GPAM: variants seen among roughly 807,000 people sequenced by gnomAD.
GPAM encodes the protein glycerol-3-phosphate acyltransferase, mitochondrial, also known as glycerol-3-phosphate acyltransferase 1, mitochondrial.
Under a neutral mutation model 105.0 loss-of-function variants are expected in GPAM, and 56 were observed. The observed-to-expected ratio is 0.53, with a 90% CI of 0.43 to 0.67. The LOEUF (loss-of-function observed/expected upper bound fraction) is 0.67, where lower values mean the gene tolerates loss of function less well. Among genes scored for constraint, GPAM ranks in the 30% least tolerant of loss-of-function variants. The pLI is 0.00. For synonymous variants in GPAM, 368 were observed against 354.4 expected, an observed-to-expected ratio of 1.04 and a Z score of -0.43; for missense variants, 855 against 989.8, an observed-to-expected ratio of 0.86 and a Z score of 1.83.
chr10:112,176,992 A>C (rs1847418120), intron 5 of GPAM, among the ~76,000 whole-genome samples: 1 of 152,168 alleles, frequency 6.6e-6, no homozygotes, highest in South Asian at 2.1e-4. Context: ...ATCTACTTAC[A>C]TAAGGAAGAC....
chr10:112,214,069 C>G (rs1847942767), intron 1 of GPAM, among the ~76,000 whole-genome samples: 2 of 152,156 alleles, frequency 1.3e-5, no homozygotes, highest in East Asian at 1.9e-4. Context: ...TGAAAGCTCC[C>G]TGAGGACCAC....
chr10:112,153,493 G>C lies in GPAM; in HGVS notation c.*57C>G. ...ACCTTCAACTCTTGAGCCAGAAGCT[G>C]GTACCTACAAGGAACTCATCTCATG... is the stretch of plus-strand genomic sequence containing the variant. On this transcript the variant is annotated 3_prime_UTR_variant, in exon 22 of 22. Transcript: ENST00000348367. 1.9e-6 allele frequency: 3 copies of C among 1,611,518 alleles called. No individual in the cohort carries two copies. In the South Asian group the frequency reaches 3.3e-5, roughly 18 times the overall value.
At chr10:112,201,241 G>A (rs767196424) in intron 1 of GPAM, among the ~76,000 whole-genome samples, 5 of 152,194 alleles carry the variant, frequency 3.3e-5, no homozygotes, top group South Asian at 2.1e-4. Flanking sequence ...CAGGACTCAC[G>A]AGGACCCTAC....
intron 13 of GPAM, among the ~76,000 whole-genome samples, chr10:112,164,147 T>A (rs773664983): frequency 2.0e-5 from 3 of 152,194 alleles, no homozygotes; most frequent in Non-Finnish European, 4.4e-5. Flanking sequence ...CATATTCAAT[T>A]TCTCTAAGTT....
At chr10:112,226,716 G>A in the GPAM span, among the ~76,000 whole-genome samples, 2 of 152,228 alleles carry the variant, frequency 1.3e-5, no homozygotes, top group African/African-American at 4.8e-5. Context: ...CTGAGCTGCA[G>A]CTGTGATGGT....
At chr10:112,179,784 T>C (rs984626218) in intron 4 of GPAM, among the ~76,000 whole-genome samples, 3 of 152,202 alleles carry the variant, frequency 2.0e-5, no homozygotes, top group East Asian at 1.9e-4. Context: ...CATCCAGATA[T>C]GACTTTTAAA....
chr10:112,220,632 T>G, the GPAM span, among the ~76,000 whole-genome samples: 4 of 152,178 alleles, frequency 2.6e-5, no homozygotes, highest in Non-Finnish European at 5.9e-5. Flanking sequence ...TGTCATCACT[T>G]GAGTAAAGAA....
rs1419320436 is a variant in GPAM at position 112,159,998 on chromosome 10, G to A, written c.1815C>T (p.Thr605=). 1 of 1,613,664 alleles carries A rather than the reference G, an allele frequency of 6.2e-7. No individual in the cohort carries two copies. The highest frequency in any genetic ancestry group is 8.5e-7 in the Non-Finnish European group (1 of 1,179,724). ...GCTCCTGGCTGATCAGGTTAGGTGG[G>A]GTGCTAGTGGGACCCCCCAGTCCCC... ...NKRGLGGPTS[T]PPNLISQEQL... The change falls in exon 17 of 22, where the codon ACC becomes ACT. Residue 605 remains threonine, a synonymous_variant. Coordinates refer to ENST00000348367, the MANE Select transcript of GPAM (RefSeq NM_001244949.2).
chr10:112,204,576 C>G (rs1167178937), intron 1 of GPAM, among the ~76,000 whole-genome samples: 2 of 150,466 alleles, frequency 1.3e-5, no homozygotes, highest in African/African-American at 2.4e-5. Context: ...TAGGTTCTGA[C>G]AACAGTGTGA....
At chr10:112,222,009 C>T in the GPAM span, among the ~76,000 whole-genome samples, 1 of 152,174 alleles carries the variant, frequency 6.6e-6, no homozygotes, top group Admixed American at 6.5e-5. Context: ...CCAAAATATT[C>T]ACCAGTGAAA....
the GPAM span, among the ~76,000 whole-genome samples, chr10:112,224,112 C>T: frequency 1.3e-5 from 2 of 152,162 alleles, no homozygotes; most frequent in African/African-American, 2.4e-5. Context: ...GATTTGTTCA[C>T]ATCCCACACC....
the GPAM span, among the ~76,000 whole-genome samples, chr10:112,221,480 G>T: frequency 6.6e-6 from 1 of 152,180 alleles, no homozygotes; most frequent in Non-Finnish European, 1.5e-5. Flanking sequence ...CCTGGGGACA[G>T]AATCTGGGAA....
rs1034394045 is a variant in GPAM at position 112,149,917 on chromosome 10, C to A, written c.*3633G>T. 1 of 985,282 alleles carries A rather than the reference C, an allele frequency of 1.0e-6. No individual in the cohort carries two copies. Among genetic ancestry groups the A allele is most frequent in the Non-Finnish European group, 1.2e-6 (1 of 829,512 alleles). 61.0% of individuals were successfully genotyped at this position (985,282 alleles called of 1,614,324 possible). ...AAAACTACATTTTCTGTGTTTCTTG[C>A]AATACACTAACAAGCATAAAAATCA... On this transcript the variant is annotated 3_prime_UTR_variant, in exon 22 of 22. Coordinates refer to ENST00000348367, the MANE Select transcript of GPAM (RefSeq NM_001244949.2).
rs1029253470 is a variant in GPAM at position 112,175,733 on chromosome 10, G to A, written c.300-20C>T. 1.4e-6 allele frequency: 2 copies of A among 1,477,610 alleles called. No individual in the cohort carries two copies. The highest frequency in any genetic ancestry group is 1.9e-6 in the Non-Finnish European group (2 of 1,055,734). 91.5% of individuals were successfully genotyped at this position (1,477,610 alleles called of 1,614,324 possible). A position where few individuals can be genotyped will look rare whatever the true frequency, so the allele number is the denominator to read the frequency against. On this transcript the variant is annotated intron_variant, in intron 5 of 21. Transcript: ENST00000348367. ...CGGTGTCTGTGAAAATGATTTAGCA[G>A]AGAAGTATTAGAGGTACCCCTAAAA...
chr10:112,181,833 T>A lies in GPAM; in HGVS notation c.-29-20A>T. Reference sequence around the variant, plus strand: ...CATGTGCTATAAAAAATAGGTACCATTTAAATTAACAAGGAATCGAGAGAG... The same window carrying A: ...CATGTGCTATAAAAAATAGGTACCAATTAAATTAACAAGGAATCGAGAGAG... On this transcript the variant is annotated intron_variant, in intron 2 of 21. Coordinates refer to ENST00000348367, the MANE Select transcript of GPAM (RefSeq NM_001244949.2). 1 of 1,025,254 alleles carries A rather than the reference T, an allele frequency of 9.8e-7. No homozygotes were observed. The highest frequency in any genetic ancestry group is 1.6e-6 in the Non-Finnish European group (1 of 644,144). The allele number at this position is 1,025,254 out of a possible 1,614,324, so 63.5% of individuals were successfully genotyped here.
intron 11 of GPAM, among the ~76,000 whole-genome samples, chr10:112,167,699 G>C (rs1847242350): frequency 1.3e-5 from 2 of 152,202 alleles, no homozygotes; most frequent in South Asian, 4.1e-4. Context: ...CATTACCCTT[G>C]CGGGGATGAT....
chr10:112,180,460 G>C lies in GPAM; in HGVS notation c.225+13C>G. 6.2e-7 allele frequency: 1 copy of C among 1,613,030 alleles called. No individual in the cohort carries two copies. The highest frequency in any genetic ancestry group is 2.2e-5 in the East Asian group (1 of 44,866). On this transcript the variant is annotated intron_variant, in intron 4 of 21. Coordinates refer to ENST00000348367, the MANE Select transcript of GPAM (RefSeq NM_001244949.2). ...TGCTGAGTATTAGGGTCAATAAGCA[G>C]TAAGGTTCTTACCCAGCTCTGGGGA...
At chr10:112,189,995 T>A (rs969070746) in intron 1 of GPAM, among the ~76,000 whole-genome samples, 2 of 152,176 alleles carry the variant, frequency 1.3e-5, no homozygotes, top group African/African-American at 4.8e-5. Flanking sequence ...AATCAAAAAC[T>A]TTTTTACTGC....
intron 1 of GPAM, among the ~76,000 whole-genome samples, chr10:112,209,974 A>G (rs1245781282): frequency 1.3e-5 from 2 of 152,198 alleles, no homozygotes; most frequent in African/African-American, 4.8e-5. Flanking sequence ...GGCAAGGCGG[A>G]CAGGGTAGGG....
Sources: allele counts gnomAD v4.1 joint callset (sites outside exome capture counted in the v4.1 genomes callset), GRCh38; gene constraint gnomAD v4.1.1; transcripts MANE v1.5; gene names NCBI Gene and HGNC (gene_info 2026-07-23, HGNC 2026-07-21).